Variants in DHX32 observed in about 807,000 individuals in gnomAD.
DHX32 encodes putative pre-mRNA-splicing factor ATP-dependent RNA helicase DHX32.
In DHX32, 51 loss-of-function variants were observed where a neutral mutation model predicts 70.0. The observed-to-expected ratio is 0.73, with a 90% confidence interval of 0.58 to 0.92. The LOEUF (loss-of-function observed/expected upper bound fraction) is 0.92. Among genes scored for constraint, DHX32 ranks in the 40% least tolerant of loss-of-function variants. The pLI is 0.00. For missense variants in DHX32, 762 were observed against 891.8 expected (o/e 0.85, Z 1.85); for synonymous variants, 310 against 315.3 (o/e 0.98, Z 0.18).
intron 1 of DHX32, among the ~76,000 whole-genome samples, chr10:125,887,734 G>A (rs963555451): frequency 1.3e-5 from 2 of 151,936 alleles, no homozygotes; most frequent in East Asian, 1.9e-4. Flanking sequence ...TTAGCTTTCC[G>A]AGTAGCTAGA....
At chr10:125,861,447 AGATTGCGCCAGGG>A (rs1266179134) in intron 2 of DHX32, among the ~76,000 whole-genome samples, 1 of 152,128 alleles carries the variant, frequency 6.6e-6, no homozygotes, top group African/African-American at 2.4e-5. Context: ...CAGTGAGCCG[AGATTGCGCCAGGG>A]CACTCCAGCC....
intron 1 of DHX32, among the ~76,000 whole-genome samples, chr10:125,876,762 C>A (rs559840013): frequency 1.3e-4 from 20 of 152,040 alleles, no homozygotes; most frequent in African/African-American, 4.4e-4. Context: ...GATTAAAAAA[C>A]GACAATAAAA....
At chr10:125,891,001 A>G (rs1312689441) in intron 1 of DHX32, among the ~76,000 whole-genome samples, 1 of 152,156 alleles carries the variant, frequency 6.6e-6, no homozygotes, top group Non-Finnish European at 1.5e-5. Flanking sequence ...AGCTCAATCA[A>G]TGTTTATGTA....
chr10:125,851,920 C>CAAAAAAA (rs56380138), intron 6 of DHX32, among the ~76,000 whole-genome samples: 5 of 86,786 alleles, frequency 5.8e-5, no homozygotes, highest in African/African-American at 9.0e-5. Flanking sequence ...GACCCTGTCT[C>CAAAAAAA]AAAAAAAAAA....
intron 3 of DHX32, among the ~76,000 whole-genome samples, chr10:125,857,880 TTTTTTTTTTTTAATTTTTCA>T (rs1944158537): frequency 1.6e-5 from 1 of 62,292 alleles, no homozygotes; most frequent in Non-Finnish European, 4.9e-5. Flanking sequence ...TATATCCTGG[TTTTTTTTTTTTAATTTTTCA>T]TTTTTTTTTT....
At chr10:125,843,828 C>T (rs1854943488) in intron 6 of DHX32, among the ~76,000 whole-genome samples, 2 of 152,196 alleles carry the variant, frequency 1.3e-5, no homozygotes, top group Non-Finnish European at 2.9e-5. Context: ...AAAAGATCTG[C>T]TACTAGGAGT....
intron 3 of DHX32, among the ~76,000 whole-genome samples, chr10:125,857,209 TA>T (rs1191397280): frequency 6.6e-6 from 1 of 152,076 alleles, no homozygotes; most frequent in Non-Finnish European, 1.5e-5. Context: ...ACAAAAATAG[TA>T]AAAAAGAAAA....
chr10:125,874,302 C>T (rs1209510302), intron 1 of DHX32, among the ~76,000 whole-genome samples: 2 of 152,186 alleles, frequency 1.3e-5, no homozygotes, highest in African/African-American at 4.8e-5. Context: ...CCAATGCTCC[C>T]ACTATCTAAA....
At chr10:125,845,734 G>A (rs925261412) in intron 6 of DHX32, among the ~76,000 whole-genome samples, 4 of 152,216 alleles carry the variant, frequency 2.6e-5, no homozygotes, top group South Asian at 2.1e-4. Context: ...GCCCACTGGC[G>A]GGAGCCAAGA....
In DHX32 at chr10:125,837,063, T is replaced by C. The variant is rs1340236560; in HGVS notation, c.2064-208A>G. Among the ~76,000 whole-genome samples, 5 of 152,212 alleles carry C rather than the reference T, an allele frequency of 3.3e-5. No individual in the cohort carries two copies. The South Asian group carries it at 8.3e-4, about 25-fold the overall frequency. ...AATCCTGTTGCATTTCTAGAATAAG[T>C]TGGCCTCTCTAGTGTTATGCCACAC... On this transcript the variant is annotated intron_variant, in intron 10 of 10. Transcript: ENST00000284690.
At position 125,856,470 on chromosome 10, in the gene DHX32, G is replaced by C. The variant is rs1944148540; in HGVS notation, c.850-2267C>G. 2.0e-5 allele frequency among the ~76,000 whole-genome samples: 3 copies of C among 152,140 alleles called. No individual in the cohort carries two copies. The South Asian group carries it at 6.2e-4, about 32-fold the overall frequency. ...GGAAACAACACGCTAAACATTCAGG[G>C]CTCTAAGTCTCAATTAAGTGCCAAG... On this transcript the variant is annotated intron_variant, in intron 3 of 10. Transcript: ENST00000284690.
chr10:125,837,161 G>A (rs1268733259), intron 10 of DHX32, among the ~76,000 whole-genome samples: 1 of 152,158 alleles, frequency 6.6e-6, no homozygotes, highest in African/African-American at 2.4e-5. Context: ...CCATATAAGA[G>A]GCACCAATCG....
intron 1 of DHX32, among the ~76,000 whole-genome samples, chr10:125,875,324 A>C (rs1453490533): frequency 6.6e-6 from 1 of 152,194 alleles, no homozygotes; most frequent in Non-Finnish European, 1.5e-5. Context: ...TCCTGGAGAA[A>C]AAAAAAATGG....
At chr10:125,867,715 G>A (rs1198280226) in intron 1 of DHX32, among the ~76,000 whole-genome samples, 4 of 129,734 alleles carry the variant, frequency 3.1e-5, no homozygotes, top group African/African-American at 6.0e-5. Context: ...CAGCCTGGGC[G>A]ACAGAGCAAG....
intron 1 of DHX32, among the ~76,000 whole-genome samples, chr10:125,888,728 T>G (rs1162054143): frequency 1.3e-5 from 2 of 152,294 alleles, no homozygotes; most frequent in Non-Finnish European, 2.9e-5. Context: ...ACTCTGAACT[T>G]TATTGTGATA....
chr10:125,852,358 A>G lies in DHX32; in HGVS notation c.1286T>C (p.Met429Thr), dbSNP rs1299183032. 6.2e-7 allele frequency: 1 copy of G among 1,614,086 alleles called. No homozygotes were observed. Among genetic ancestry groups the G allele is most frequent in the Non-Finnish European group, 8.5e-7 (1 of 1,180,030 alleles). Residue 429 changes from methionine to threonine, a missense_variant, in exon 6 of 11, where the codon ATG (methionine) becomes ACG (threonine). By Grantham distance (81) the Met-to-Thr change is moderately conservative. Transcript: ENST00000284690. ...AEMQEANLTS[M>T]VLFMKRIDIA... ...GTCTATCCTCTTCATAAAAAGCACC[A>G]TGCTTGTTAGGTTGGCTTCCTGCAT...
chr10:125,869,235 A>C (rs1944241547), intron 1 of DHX32: 1 of 152,182 alleles, frequency 6.6e-6, no homozygotes, highest in Non-Finnish European at 1.5e-5. Flanking sequence ...CCAAGACCTC[A>C]AACATCATTC....
intron 1 of DHX32, among the ~76,000 whole-genome samples, chr10:125,895,580 A>G (rs1944464032): frequency 6.6e-6 from 1 of 152,246 alleles, no homozygotes; most frequent in South Asian, 2.1e-4. Context: ...AAGCTTCCTT[A>G]AAGCAAACCC....
intron 1 of DHX32, 68 bp downstream of exon 1, chr10:125,880,475 A>G: frequency 6.8e-7 from 1 of 1,478,394 alleles, no homozygotes; most frequent in African/African-American, 1.4e-5. Flanking sequence ...CTAGGCTGTG[A>G]CATGTCATTA....
Sources: allele counts gnomAD v4.1 joint callset (sites outside exome capture counted in the v4.1 genomes callset), GRCh38; gene constraint gnomAD v4.1.1; transcripts MANE v1.5; gene names NCBI Gene and HGNC (gene_info 2026-07-23, HGNC 2026-07-21).